The following MTERF4 variants were observed in gnomAD, a reference collection of about 807,000 sequenced individuals.
The protein encoded by MTERF4 is mitochondrial transcription termination factor 4.
Under a neutral mutation model 22.5 loss-of-function variants are expected in MTERF4, and 17 were observed. The observed-to-expected ratio is 0.75, with a 90% CI of 0.52 to 1.13. MTERF4 has a LOEUF of 1.13. MTERF4 is among the 50% of genes most tolerant of loss of function. The pLI is 0.00. For synonymous variants in MTERF4, 165 were observed against 175.3 expected (o/e 0.94, Z 0.47); for missense variants, 420 against 466.8 (o/e 0.90, Z 0.92).
chr2:241,086,466 C>T (rs1043425024), downstream of MTERF4, among the ~76,000 whole-genome samples: 1 of 152,106 alleles, frequency 6.6e-6, no homozygotes, highest in Admixed American at 6.5e-5. Context: ...TCTGTGATGC[C>T]ATCCAAAAAC....
At chr2:241,082,185 C>T, downstream of MTERF4, 1 of 1,011,654 alleles carries the variant, frequency 9.9e-7, no homozygotes, top group East Asian at 2.4e-5. Flanking sequence ...GCCTAAGGAC[C>T]CCCGGGCCCT....
At chr2:241,088,448 A>AG, downstream of MTERF4, 1 of 1,530,246 alleles carries the variant, frequency 6.5e-7, no homozygotes, top group Non-Finnish European at 9.1e-7. Context: ...GCTGCTGGGA[A>AG]GTGGGGGGCG....
chr2:241,065,185 C>CAAA, the MTERF4 span: 1 of 1,096,982 alleles, frequency 9.1e-7, no homozygotes, highest in Non-Finnish European at 1.3e-6. Context: ...ACTCTGCCAG[C>CAAA]GATGGCTGTG....
chr2:241,053,167 C>T, the MTERF4 span: 2 of 1,610,530 alleles, frequency 1.2e-6, no homozygotes, highest in East Asian at 2.2e-5. Flanking sequence ...GGACTGCGGC[C>T]CCCCGGAGGA....
downstream of MTERF4, chr2:241,082,264 T>G (rs1399042941): frequency 1.9e-6 from 3 of 1,595,276 alleles, no homozygotes; most frequent in South Asian, 2.2e-5. Flanking sequence ...GCCACTGCCC[T>G]TCTTTGTCGC....
downstream of MTERF4, chr2:241,092,194 G>A (rs1279034972): frequency 1.3e-5 from 2 of 152,236 alleles, no homozygotes; most frequent in Admixed American, 6.5e-5. The surrounding 1 kb of genome is among the most constrained non-coding windows in gnomAD (Gnocchi z 4.6). Context: ...CCTCCAGCGT[G>A]TTTATGACGC....
downstream of MTERF4, chr2:241,094,275 A>G: frequency 2.1e-6 from 1 of 468,722 alleles, no homozygotes; most frequent in East Asian, 7.0e-5. This position sits in a 1 kb window ranked among gnomAD's most constrained non-coding sequence, Gnocchi z 4.3. Flanking sequence ...GTATCAGCTC[A>G]CCTCCTGCAC....
the MTERF4 span, among the ~76,000 whole-genome samples, chr2:241,055,869 C>T: frequency 6.6e-6 from 1 of 152,172 alleles, no homozygotes; most frequent in Non-Finnish European, 1.5e-5. Context: ...CGTTTAAAAC[C>T]AATCTTGAGC....
chr2:241,044,784 T>G, the MTERF4 span, among the ~76,000 whole-genome samples: 1 of 152,220 alleles, frequency 6.6e-6, no homozygotes, highest in African/African-American at 2.4e-5. Flanking sequence ...TGTTTTTCCC[T>G]TTCCTGTTGT....
At chr2:241,090,230 C>T, downstream of MTERF4, 1 of 1,490,514 alleles carries the variant, frequency 6.7e-7, no homozygotes, top group Non-Finnish European at 8.9e-7. Context: ...TACTATTTAA[C>T]TTTTGTTAAA....
intron 4 of MTERF4, chr2:241,081,559 C>T: frequency 5.3e-6 from 4 of 751,654 alleles, no homozygotes; most frequent in Non-Finnish European, 9.2e-6. Context: ...CGCAGCACAC[C>T]ACAGAGGAGT....
At chr2:241,087,706 G>C (rs1214909681), downstream of MTERF4, 1 of 1,361,308 alleles carries the variant, frequency 7.3e-7, no homozygotes, top group Admixed American at 3.5e-5. Context: ...GCTGGGGGGG[G>C]TCACTCTGGT....
the MTERF4 span, among the ~76,000 whole-genome samples, chr2:241,049,590 G>A: frequency 6.6e-6 from 1 of 152,168 alleles, no homozygotes; most frequent in Admixed American, 6.5e-5. Context: ...CTGCCTCGTA[G>A]AAGACGGAAG....
rs2064364378 is a variant in MTERF4 at position 241,095,659 on chromosome 2, AC to A, written c.*338del. 1 of 255,618 alleles carries A rather than the reference AC, an allele frequency of 3.9e-6. No homozygotes were observed. The highest frequency in any genetic ancestry group is 2.2e-5 in the African/African-American group (1 of 44,794). 15.8% of individuals were successfully genotyped at this position (255,618 alleles called of 1,614,324 possible). A position where few individuals can be genotyped will look rare whatever the true frequency, so the allele number is the denominator to read the frequency against. On this transcript the variant is annotated 3_prime_UTR_variant, in exon 4 of 4. Transcript: ENST00000391980. ...GAATGAACCCCATCTTCCAACTGTC[AC>A]GGAATTATCACCAACATATTCAAAA...
chr2:241,090,847 A>AGGGTC, downstream of MTERF4, among the ~76,000 whole-genome samples: 1 of 151,374 alleles, frequency 6.6e-6, no homozygotes. Context: ...AGCTTAGGCA[A>AGGGTC]CTGAGCAAGA....
downstream of MTERF4, among the ~76,000 whole-genome samples, chr2:241,085,860 CTTTTTTTTTTT>C (rs772995766): frequency 3.7e-4 from 29 of 79,190 alleles, no homozygotes; most frequent in Non-Finnish European, 5.5e-4. Context: ...TCTGCGGTTT[CTTTTTTTTTTT>C]TTTTTTTTTT....
chr2:241,049,829 C>A, the MTERF4 span: 1 of 1,613,710 alleles, frequency 6.2e-7, no homozygotes, highest in Non-Finnish European at 8.5e-7. Context: ...CTGCCATCAC[C>A]CTGCGACTCG....
chr2:241,084,199 C>A (rs1055549691), downstream of MTERF4, among the ~76,000 whole-genome samples: 3 of 144,234 alleles, frequency 2.1e-5, no homozygotes, highest in Admixed American at 2.1e-4. Context: ...TGCGATGGTG[C>A]GATCTTGGCT....
At chr2:241,055,968 G>A in the MTERF4 span, among the ~76,000 whole-genome samples, 1 of 152,222 alleles carries the variant, frequency 6.6e-6, no homozygotes, top group African/African-American at 2.4e-5. Context: ...ACCTAGTAGA[G>A]AATACAGTAT....
Sources: gnomAD v4.1 joint callset for allele counts (sites outside exome capture counted in the v4.1 genomes callset) on GRCh38, gnomAD v4.1.1 for gene constraint, Gnocchi (gnomAD v3.1) non-coding constraint, MANE v1.5 for transcripts, NCBI Gene and HGNC (gene_info 2026-07-23, HGNC 2026-07-21) for gene names.